Variants in ERBIN observed in about 807,000 individuals in gnomAD.
The protein encoded by ERBIN is erbb2 interacting protein.
ERBIN carries 60 observed loss-of-function variants against 158.4 expected under a neutral mutation model. The observed-to-expected ratio is 0.38, with a 90% confidence interval of 0.31 to 0.47. The LOEUF (loss-of-function observed/expected upper bound fraction) is 0.47. ERBIN is among the 20% of genes least tolerant of loss of function. The pLI is 0.99. For missense variants in ERBIN, 1,610 were observed against 1,648.0 expected (o/e 0.98, Z 0.40); for synonymous variants, 594 against 557.2 (o/e 1.07, Z -0.93).
At chr5:65,995,974 T>C (rs6895833) in intron 4 of ERBIN, among the ~76,000 whole-genome samples, 6,100 of 152,268 alleles carry the variant, frequency 0.04, 413 homozygotes, top group African/African-American at 0.14. Flanking sequence ...TTTCTTGTTA[T>C]TGAGGTTTTT....
In ERBIN at chr5:65,927,646, A is replaced by G. The variant is rs138957086; in HGVS notation, c.-58+840A>G. On this transcript the variant is annotated intron_variant, in intron 1 of 25. Transcript: ENST00000284037. ...AAACGCTTAAAACGATTTTCAAGGG[A>G]ATCACAGTGATTGTGATAAAAAGCT... is the stretch of plus-strand genomic sequence containing the variant. 4.3e-3 allele frequency among the ~76,000 whole-genome samples: 653 copies of G among 152,342 alleles called. 5 individuals are homozygous for G. Among genetic ancestry groups the G allele is most frequent in the African/African-American group, 0.015 (631 of 41,574 alleles).
intron 1 of ERBIN, among the ~76,000 whole-genome samples, chr5:65,958,456 C>CA (rs986737413): frequency 2.6e-5 from 4 of 152,088 alleles, no homozygotes; most frequent in Admixed American, 1.3e-4. Context: ...CCGTCTCCAC[C>CA]AAAAAAATAC....
intron 15 of ERBIN, among the ~76,000 whole-genome samples, chr5:66,041,931 G>GA (rs1367190962): frequency 1.3e-5 from 2 of 151,408 alleles, no homozygotes; most frequent in Non-Finnish European, 1.5e-5. Context: ...AATTATAAGG[G>GA]AAAAAAAATC....
chr5:65,981,651 CA>C (rs200663607), intron 1 of ERBIN, among the ~76,000 whole-genome samples: 47 of 146,634 alleles, frequency 3.2e-4, no homozygotes, highest in East Asian at 9.9e-4. Context: ...TTTTAAACAA[CA>C]AAAAAAAAAC....
chr5:65,987,616 G>A (rs894662871), intron 1 of ERBIN, among the ~76,000 whole-genome samples: 5 of 151,980 alleles, frequency 3.3e-5, no homozygotes, highest in Non-Finnish European at 7.4e-5. Flanking sequence ...ACTTCGGGAG[G>A]CCAAGGTGGT....
At chr5:65,963,934 G>A (rs911702071) in intron 1 of ERBIN, among the ~76,000 whole-genome samples, 2 of 151,842 alleles carry the variant, frequency 1.3e-5, no homozygotes, top group African/African-American at 4.8e-5. Context: ...CGAGTAGCTG[G>A]GACTACAGGC....
At chr5:66,057,152 A>T (rs1211211619) in intron 21 of ERBIN, among the ~76,000 whole-genome samples, 1 of 152,220 alleles carries the variant, frequency 6.6e-6, no homozygotes, top group Non-Finnish European at 1.5e-5. Context: ...AGAGAATTTT[A>T]GTCTTAACAG....
At chr5:65,973,749 G>A (rs1749543438) in intron 1 of ERBIN, among the ~76,000 whole-genome samples, 2 of 151,388 alleles carry the variant, frequency 1.3e-5, no homozygotes, top group Non-Finnish European at 1.5e-5. Flanking sequence ...CTGAACAAAG[G>A]GTTTGATTCA....
chr5:66,045,464 G>A (rs1007724256), intron 17 of ERBIN, among the ~76,000 whole-genome samples: 2 of 146,156 alleles, frequency 1.4e-5, no homozygotes, highest in African/African-American at 5.5e-5. Context: ...TACATATAGT[G>A]TATGTATATG....
At chr5:65,948,172 T>G (rs1283991404) in intron 1 of ERBIN, among the ~76,000 whole-genome samples, 2 of 151,674 alleles carry the variant, frequency 1.3e-5, no homozygotes, top group Non-Finnish European at 1.5e-5. Context: ...TTTGTTTTTG[T>G]TTTTTTTGAG....
At chr5:65,957,915 G>A (rs904276731) in intron 1 of ERBIN, among the ~76,000 whole-genome samples, 3 of 151,394 alleles carry the variant, frequency 2.0e-5, no homozygotes, top group African/African-American at 4.8e-5. Flanking sequence ...CGGCTGCCGG[G>A]CGGAGGGGCT....
intron 18 of ERBIN, among the ~76,000 whole-genome samples, chr5:66,047,285 T>C (rs1039807018): frequency 6.6e-6 from 1 of 152,120 alleles, no homozygotes; most frequent in Non-Finnish European, 1.5e-5. Flanking sequence ...AGTTTTTGTA[T>C]GTTATAGCAT....
At chr5:65,949,548 T>A (rs1033465068) in intron 1 of ERBIN, among the ~76,000 whole-genome samples, 2 of 152,232 alleles carry the variant, frequency 1.3e-5, no homozygotes, top group African/African-American at 4.8e-5. Flanking sequence ...CAGCCATTCC[T>A]TTTTCACAAT....
intron 1 of ERBIN, among the ~76,000 whole-genome samples, chr5:65,929,032 G>A (rs1743030331): frequency 6.6e-6 from 1 of 152,168 alleles, no homozygotes; most frequent in Non-Finnish European, 1.5e-5. Flanking sequence ...GAATTTTCAG[G>A]ACTTCAACTG....
At chr5:66,061,034 G>A (rs1473606834) in intron 21 of ERBIN, among the ~76,000 whole-genome samples, 1 of 152,204 alleles carries the variant, frequency 6.6e-6, no homozygotes, top group African/African-American at 2.4e-5. Flanking sequence ...GATTTGGGGT[G>A]GAGAGTTCTG....
At chr5:66,056,104 CGTT>C (rs939431140) in intron 21 of ERBIN, among the ~76,000 whole-genome samples, 1 of 151,926 alleles carries the variant, frequency 6.6e-6, no homozygotes, top group Non-Finnish European at 1.5e-5. Context: ...TTTCTGGTGA[CGTT>C]GTGGAACTAG....
chr5:65,949,738 A>C (rs1490104911), intron 1 of ERBIN, among the ~76,000 whole-genome samples: 1 of 152,232 alleles, frequency 6.6e-6, no homozygotes, highest in Non-Finnish European at 1.5e-5. Flanking sequence ...TAAACTACAG[A>C]GTTTAATTGA....
rs1005553342 is a variant in ERBIN at position 65,951,746 on chromosome 5, C to T, written c.-58+24940C>T. On this transcript the variant is annotated intron_variant, in intron 1 of 25. Transcript: ENST00000284037. ...AGTCCTTGTTTTTAGACTGTGGTTA[C>T]AGTTATAACAGCACAAGTTAATTGT... 2.0e-5 allele frequency among the ~76,000 whole-genome samples: 3 copies of T among 152,174 alleles called. 1 individual carries two copies. The highest frequency in any genetic ancestry group is 4.1e-4 in the South Asian group (2 of 4,832).
Position 66,025,366 on chromosome 5 carries a change from T to G in ERBIN, c.818-114T>G, listed in dbSNP as rs1756127678. ...GAGTGGTATCTCTTTTAGATACGTT[T>G]GTTAGGAAAGTTGTTTCTAATTCTT... is the stretch of plus-strand genomic sequence containing the variant. On this transcript the variant is annotated intron_variant, in intron 10 of 25. Coordinates refer to ENST00000284037, the MANE Select transcript of ERBIN (RefSeq NM_001253697.2). 5.1e-6 allele frequency: 4 copies of G among 790,356 alleles called. No individual in the cohort carries two copies. The Admixed American group carries it at 7.8e-5, about 15-fold the overall frequency. The allele number at this position is 790,356 out of a possible 1,614,324, so 49.0% of individuals were successfully genotyped here. A position where few individuals can be genotyped will look rare whatever the true frequency, so the allele number is the denominator to read the frequency against.
Sources: allele counts gnomAD v4.1 joint callset (sites outside exome capture counted in the v4.1 genomes callset), GRCh38; gene constraint gnomAD v4.1.1; transcripts MANE v1.5; gene names NCBI Gene and HGNC (gene_info 2026-07-23, HGNC 2026-07-21).